Variants in WDR20 observed in about 807,000 individuals in gnomAD.
WDR20 encodes the protein WD repeat domain 20.
Under a neutral mutation model 38.7 loss-of-function variants are expected in WDR20, and 3 were observed. The observed-to-expected ratio is 0.08, with a 90% confidence interval of 0.04 to 0.20. The LOEUF (loss-of-function observed/expected upper bound fraction) is 0.20. Ranked by LOEUF, WDR20 falls within the 10% of genes least tolerant of loss-of-function variation. The pLI is 1.00. For synonymous variants in WDR20, 298 were observed against 285.6 expected, an observed-to-expected ratio of 1.04 and a Z score of -0.44; for missense variants, 559 against 727.7, an observed-to-expected ratio of 0.77 and a Z score of 2.67.
At chr14:102,223,406 A>G (rs1430519150) in exon 4 of WDR20, 1 of 152,700 alleles carries the variant, frequency 6.5e-6, no homozygotes, top group Non-Finnish European at 1.5e-5. Flanking sequence ...GCACTTAAAA[A>G]TAGTTGAATG....
At chr14:102,194,816 A>G (rs1566996367) in intron 1 of WDR20, 122 bp from the exon 2 acceptor site, 11 of 1,142,776 alleles carry the variant, frequency 9.6e-6, no homozygotes, top group Non-Finnish European at 8.7e-6. Flanking sequence ...CACAACTGAA[A>G]AAACATTTTA....
chr14:102,187,877 A>G (rs1235222649), intron 1 of WDR20, among the ~76,000 whole-genome samples: 1 of 152,092 alleles, frequency 6.6e-6, no homozygotes, highest in Non-Finnish European at 1.5e-5. Flanking sequence ...GGAGGAGTGG[A>G]CTTAGGAGGT....
At chr14:102,162,179 G>A (rs1212841078) in intron 1 of WDR20, among the ~76,000 whole-genome samples, 1 of 152,184 alleles carries the variant, frequency 6.6e-6, no homozygotes, top group African/African-American at 2.4e-5. Flanking sequence ...AGATGTAATA[G>A]ACATAGTTCT....
intron 1 of WDR20, among the ~76,000 whole-genome samples, chr14:102,189,247 A>G (rs540663914): frequency 2.2e-4 from 33 of 152,256 alleles, no homozygotes; most frequent in African/African-American, 6.3e-4. Flanking sequence ...GAAAAAGTCC[A>G]AGGAAAAGAG....
Position 102,209,074 on chromosome 14 carries a change from G to A in WDR20, c.904G>A (p.Gly302Arg), listed in dbSNP as rs374145780. 1 of 1,614,138 alleles carries A rather than the reference G, an allele frequency of 6.2e-7. No homozygotes were observed. Among genetic ancestry groups the A allele is most frequent in the Non-Finnish European group, 8.5e-7 (1 of 1,180,024 alleles). Residue 302 changes from glycine (G) to arginine (R), a missense_variant, in exon 3 of 3, where the codon GGG (glycine) becomes AGG (arginine). Transcript: ENST00000342702. This position sits in a 1 kb window ranked among gnomAD's most constrained non-coding sequence, Gnocchi z 6.0. ...VDCRVIARGH[G>R]HKSWVSVVAF... ...CTGCCGAGTAATAGCCAGAGGCCAC[G>A]GGCACAAGTCCTGGGTCAGTGTTGT...
At chr14:102,211,772 A>G (rs1028036505), downstream of WDR20, among the ~76,000 whole-genome samples, 5 of 152,218 alleles carry the variant, frequency 3.3e-5, no homozygotes, top group Non-Finnish European at 7.3e-5. This position sits in a 1 kb window ranked among gnomAD's most constrained non-coding sequence, Gnocchi z 4.2. Context: ...ACATAGTTGT[A>G]AACGTTCAGT....
Position 102,209,686 on chromosome 14 carries a change from G to C in WDR20, c.1516G>C (p.Ala506Pro). 1 of 1,614,122 alleles carries C rather than the reference G, an allele frequency of 6.2e-7. No homozygotes were observed. Among genetic ancestry groups the C allele is most frequent in the Non-Finnish European group, 8.5e-7 (1 of 1,180,034 alleles). Reference protein sequence around the residue: ...NLVTKTKTDPAKTLGTPLCPR... With the variant: ...NLVTKTKTDPPKTLGTPLCPR... The stretch of plus-strand genomic sequence containing the variant: ...AGTTACCAAAACCAAAACGGACCCT[G>C]CTAAAACTCTGGGAACGCCCCTGTG... The change falls in exon 3 of 3, where the codon GCT (alanine) becomes CCT (proline). Residue 506 changes from alanine (A) to proline (P), a missense_variant. Physicochemically the swap from Ala to Pro is conservative, Grantham distance 27. Transcript: ENST00000342702. This position sits in a 1 kb window ranked among gnomAD's most constrained non-coding sequence, Gnocchi z 6.0.
intron 1 of WDR20, among the ~76,000 whole-genome samples, chr14:102,193,893 G>T (rs77813221): frequency 1.3e-5 from 2 of 152,272 alleles, no homozygotes; most frequent in East Asian, 3.9e-4. Context: ...AGAGTGGGAG[G>T]GGGTGGGTTT....
intron 1 of WDR20, among the ~76,000 whole-genome samples, chr14:102,154,940 A>T (rs1028675271): frequency 2.0e-5 from 3 of 152,166 alleles, no homozygotes; most frequent in Non-Finnish European, 4.4e-5. Context: ...AATTGATAGG[A>T]TTATTAATAA....
At chr14:102,206,713 A>AG (rs1301327894) in intron 2 of WDR20, among the ~76,000 whole-genome samples, 1 of 152,220 alleles carries the variant, frequency 6.6e-6, no homozygotes, top group Non-Finnish European at 1.5e-5. Flanking sequence ...AGCGAGCTGC[A>AG]GACACCCTTA....
intron 1 of WDR20, among the ~76,000 whole-genome samples, chr14:102,177,265 C>G (rs1481369295): frequency 6.6e-6 from 1 of 152,186 alleles, no homozygotes; most frequent in African/African-American, 2.4e-5. Flanking sequence ...TCTCAAGTGC[C>G]TTCCCACATA....
chr14:102,195,596 A>G (rs918148803), intron 2 of WDR20, among the ~76,000 whole-genome samples: 15 of 152,066 alleles, frequency 9.9e-5, no homozygotes, highest in Non-Finnish European at 2.9e-5. Context: ...GTTACTGTAA[A>G]CTCATCTTTG....
intron 1 of WDR20, among the ~76,000 whole-genome samples, chr14:102,188,459 GCTT>G (rs2065428236): frequency 6.6e-6 from 1 of 152,168 alleles, no homozygotes; most frequent in Non-Finnish European, 1.5e-5. Flanking sequence ...GAACTGGAGG[GCTT>G]CTTTTGCAGA....
At chr14:102,218,303 G>A (rs1050170384), downstream of WDR20, among the ~76,000 whole-genome samples, 10 of 152,122 alleles carry the variant, frequency 6.6e-5, no homozygotes, top group Non-Finnish European at 2.9e-5. Context: ...TCCCACAGCT[G>A]TCTCCTTGAG....
At chr14:102,162,113 C>T (rs1313970115) in intron 1 of WDR20, among the ~76,000 whole-genome samples, 3 of 152,112 alleles carry the variant, frequency 2.0e-5, no homozygotes, top group Admixed American at 6.6e-5. Context: ...ATTGGATAAG[C>T]GAGTAAGAAA....
intron 1 of WDR20, among the ~76,000 whole-genome samples, chr14:102,166,010 A>T (rs1266798576): frequency 6.7e-6 from 1 of 150,102 alleles, no homozygotes; most frequent in Admixed American, 6.6e-5. Context: ...CTTTTTTTTA[A>T]AGACAGGGTC....
At chr14:102,215,895 G>A (rs2063160273), downstream of WDR20, among the ~76,000 whole-genome samples, 1 of 152,140 alleles carries the variant, frequency 6.6e-6, no homozygotes, top group South Asian at 2.1e-4. Flanking sequence ...TCTGAGCAGC[G>A]CCCTGGCACC....
At chr14:102,203,770 A>C (rs936567280) in intron 2 of WDR20, among the ~76,000 whole-genome samples, 1 of 152,168 alleles carries the variant, frequency 6.6e-6, no homozygotes, top group Non-Finnish European at 1.5e-5. Flanking sequence ...ATTGGAGAGA[A>C]TTCAAGCCCA....
In WDR20 at chr14:102,210,259, T is replaced by C; in HGVS notation, c.*379T>C. On this transcript the variant is annotated 3_prime_UTR_variant, in exon 3 of 3. Coordinates refer to ENST00000342702, the MANE Select transcript of WDR20 (RefSeq NM_144574.4). The stretch of plus-strand genomic sequence containing the variant: ...ACTGGAATATTTTTTGCTTAACTAC[T>C]CAATTAGAATATTGTACACCTGATC... The C allele has an allele frequency of 5.9e-6, 6 of 1,011,020 alleles. No homozygotes were observed. Among genetic ancestry groups the C allele is most frequent in the Non-Finnish European group, 7.1e-6 (6 of 845,206 alleles). 62.6% of individuals were successfully genotyped at this position (1,011,020 alleles called of 1,614,324 possible). A position where few individuals can be genotyped will look rare whatever the true frequency, so the allele number is the denominator to read the frequency against.
Sources: allele counts gnomAD v4.1 joint callset (sites outside exome capture counted in the v4.1 genomes callset), GRCh38; gene constraint gnomAD v4.1.1; non-coding constraint Gnocchi (gnomAD v3.1); transcripts MANE v1.5; gene names NCBI Gene and HGNC (gene_info 2026-07-23, HGNC 2026-07-21).